HS6ST3: variants seen among roughly 807,000 people sequenced by gnomAD.
HS6ST3 encodes the protein heparan-sulfate 6-O-sulfotransferase 3.
HS6ST3 carries 12 observed loss-of-function variants against 36.7 expected under a neutral mutation model. The ratio of observed to expected loss-of-function variants is 0.33; its 90% CI spans 0.21 to 0.53. The LOEUF (loss-of-function observed/expected upper bound fraction) is 0.53. HS6ST3 is among the 20% of genes least tolerant of loss of function. The probability of loss-of-function intolerance (pLI) is 0.95; values close to 1 mark genes in which losing one functional copy is unlikely to be tolerated. For synonymous variants in HS6ST3, 240 were observed against 257.5 expected (o/e 0.93, Z 0.65); for missense variants, 584 against 640.9 (o/e 0.91, Z 0.96).
At chr13:96,204,538 A>C (rs1457914643) in intron 1 of HS6ST3, among the ~76,000 whole-genome samples, 1 of 152,200 alleles carries the variant, frequency 6.6e-6, no homozygotes. Context: ...AAACAACAGA[A>C]TATACATTCT....
At chr13:96,464,347 T>C (rs1051253268) in intron 1 of HS6ST3, among the ~76,000 whole-genome samples, 5 of 151,988 alleles carry the variant, frequency 3.3e-5, no homozygotes, top group African/African-American at 1.2e-4. Flanking sequence ...TGATCTCCCA[T>C]GTCCTTGGCT....
At chr13:96,190,691 C>A (rs1232377257) in intron 1 of HS6ST3, among the ~76,000 whole-genome samples, 3 of 152,036 alleles carry the variant, frequency 2.0e-5, no homozygotes, top group African/African-American at 7.2e-5. Context: ...AATAAAGGAA[C>A]TAAATACAGA....
intron 1 of HS6ST3, among the ~76,000 whole-genome samples, chr13:96,670,022 A>C (rs1014615692): frequency 2.6e-5 from 4 of 152,172 alleles, no homozygotes; most frequent in Non-Finnish European, 5.9e-5. Context: ...AGATGACCTA[A>C]GGAGTAAATG....
At position 96,281,986 on chromosome 13, in the gene HS6ST3, G is replaced by A. The variant is rs138639073; in HGVS notation, c.707+190417G>A. 7.2e-4 allele frequency among the ~76,000 whole-genome samples: 109 copies of A among 152,330 alleles called. 2 individuals are homozygous for A. Among genetic ancestry groups the A allele is most frequent in the African/African-American group, 2.5e-3 (105 of 41,588 alleles). Reference sequence around the variant, plus strand: ...CTGGTCATGATAATACTTATGTAAAGTTCTGTACTTATGTGAATTCTCTGA... The same window carrying A: ...CTGGTCATGATAATACTTATGTAAAATTCTGTACTTATGTGAATTCTCTGA... On this transcript the variant is annotated intron_variant, in intron 1 of 1. Transcript: ENST00000376705.
intron 1 of HS6ST3, among the ~76,000 whole-genome samples, chr13:96,212,260 A>G (rs559971106): frequency 2.0e-5 from 3 of 152,234 alleles, no homozygotes; most frequent in Non-Finnish European, 4.4e-5. Flanking sequence ...GGCGTTATAT[A>G]CGTTAGGCAC....
intron 1 of HS6ST3, among the ~76,000 whole-genome samples, chr13:96,370,849 G>A (rs1306016995): frequency 6.6e-6 from 1 of 152,178 alleles, no homozygotes; most frequent in African/African-American, 2.4e-5. Flanking sequence ...AGTGAGCTGA[G>A]ATCGTGCCAT....
At chr13:96,231,154 A>G (rs1235346281) in intron 1 of HS6ST3, among the ~76,000 whole-genome samples, 2 of 152,106 alleles carry the variant, frequency 1.3e-5, no homozygotes, top group African/African-American at 4.8e-5. Context: ...GGATTGGAGA[A>G]GAAAGCAAGT....
intron 1 of HS6ST3, among the ~76,000 whole-genome samples, chr13:96,771,390 T>C (rs1877260938): frequency 6.6e-6 from 1 of 151,962 alleles, no homozygotes; most frequent in South Asian, 2.1e-4. Flanking sequence ...CTGCACGTTG[T>C]GCACATGTAC....
At chr13:96,658,265 CTTCTTTTTTTTTTTTTT>C (rs2056632887) in intron 1 of HS6ST3, among the ~76,000 whole-genome samples, 2 of 67,288 alleles carry the variant, frequency 3.0e-5, no homozygotes, top group Non-Finnish European at 2.8e-5. Flanking sequence ...TTCTCTTCTT[CTTCTTTTTTTTTTTTTT>C]TTTTTTTTTT....
chr13:96,388,738 C>G (rs1350204653), intron 1 of HS6ST3, among the ~76,000 whole-genome samples: 2 of 152,054 alleles, frequency 1.3e-5, no homozygotes, highest in African/African-American at 4.8e-5. Context: ...GTGGTTTCCC[C>G]TATGCTGTTG....
chr13:96,641,549 AT>A (rs1313135430), intron 1 of HS6ST3, among the ~76,000 whole-genome samples: 2 of 151,562 alleles, frequency 1.3e-5, no homozygotes, highest in African/African-American at 2.4e-5. Flanking sequence ...CCATTTTGCT[AT>A]TTTTTTCTAT....
At chr13:96,544,628 C>T (rs1486105740) in intron 1 of HS6ST3, among the ~76,000 whole-genome samples, 1 of 152,136 alleles carries the variant, frequency 6.6e-6, no homozygotes, top group South Asian at 2.1e-4. Context: ...TTTGTGACAA[C>T]TCTTTTTAGT....
chr13:96,578,742 T>C (rs995685872), intron 1 of HS6ST3, among the ~76,000 whole-genome samples: 2 of 152,064 alleles, frequency 1.3e-5, no homozygotes, highest in African/African-American at 4.8e-5. Context: ...TTGTTTTTAG[T>C]AGAGATGGCG....
intron 1 of HS6ST3, among the ~76,000 whole-genome samples, chr13:96,520,189 C>T (rs558287473): frequency 5.1e-4 from 78 of 152,222 alleles, no homozygotes; most frequent in African/African-American, 1.8e-3. Flanking sequence ...ATTTCTGAGG[C>T]CTCCGTTCTC....
At chr13:96,398,079 G>A (rs912369734) in intron 1 of HS6ST3, among the ~76,000 whole-genome samples, 4 of 152,042 alleles carry the variant, frequency 2.6e-5, no homozygotes, top group African/African-American at 9.7e-5. Context: ...ATCATGTTTT[G>A]TACTCTAAGA....
intron 1 of HS6ST3, among the ~76,000 whole-genome samples, chr13:96,372,525 C>A (rs1259555272): frequency 6.6e-6 from 1 of 151,922 alleles, no homozygotes; most frequent in Non-Finnish European, 1.5e-5. Context: ...GTTGCCTGTG[C>A]TTTTGGTGTC....
chr13:96,520,658 G>C (rs2056089773), intron 1 of HS6ST3, among the ~76,000 whole-genome samples: 1 of 152,102 alleles, frequency 6.6e-6, no homozygotes, highest in African/African-American at 2.4e-5. Flanking sequence ...CTCTGTTATT[G>C]GTGTATAGGA....
chr13:96,518,834 A>G (rs1259869256), intron 1 of HS6ST3, among the ~76,000 whole-genome samples: 4 of 152,216 alleles, frequency 2.6e-5, no homozygotes, highest in African/African-American at 7.2e-5. Flanking sequence ...TATATTGCCT[A>G]TCCTTCATTC....
chr13:96,381,796 TGAA>T (rs1256430026), intron 1 of HS6ST3, among the ~76,000 whole-genome samples: 3 of 152,108 alleles, frequency 2.0e-5, no homozygotes, highest in Non-Finnish European at 4.4e-5. Flanking sequence ...TTACCATTGA[TGAA>T]GGAGAGATTC....
Sources: gnomAD v4.1 joint callset for allele counts (sites outside exome capture counted in the v4.1 genomes callset) on GRCh38, gnomAD v4.1.1 for gene constraint, MANE v1.5 for transcripts, NCBI Gene and HGNC (gene_info 2026-07-23, HGNC 2026-07-21) for gene names.